CTDSPL2: variants seen among roughly 807,000 people sequenced by gnomAD.
CTDSPL2 encodes the protein CTD small phosphatase like 2, also known as CTD small phosphatase-like protein 2.
Under a neutral mutation model 60.0 loss-of-function variants are expected in CTDSPL2, and 5 were observed. The ratio of observed to expected loss-of-function variants is 0.08; its 90% CI spans 0.04 to 0.18. CTDSPL2 has a LOEUF of 0.18. Ranked by LOEUF, CTDSPL2 falls within the 10% of genes least tolerant of loss-of-function variation. CTDSPL2 has a pLI of 1.00. For missense variants in CTDSPL2, 370 were observed against 548.8 expected, an observed-to-expected ratio of 0.67 and a Z score of 3.26; for synonymous variants, 186 against 189.3, an observed-to-expected ratio of 0.98 and a Z score of 0.14.
chr15:44,482,856 C>T (rs1433491292), intron 2 of CTDSPL2, among the ~76,000 whole-genome samples: 4 of 152,080 alleles, frequency 2.6e-5, no homozygotes, highest in African/African-American at 7.2e-5. Flanking sequence ...TTATATGTAT[C>T]AATTATATAT....
chr15:44,511,867 C>CAAAAAAAAA (rs68063380), intron 8 of CTDSPL2, among the ~76,000 whole-genome samples: 19 of 30,622 alleles, frequency 6.2e-4, no homozygotes, highest in African/African-American at 7.3e-4. Flanking sequence ...GACGGTCTCG[C>CAAAAAAAAA]AAAAAAAAAA....
At chr15:44,444,838 T>TG (rs2080173207) in intron 1 of CTDSPL2, among the ~76,000 whole-genome samples, 3 of 105,894 alleles carry the variant, frequency 2.8e-5, no homozygotes, top group South Asian at 6.8e-4. Flanking sequence ...GGAATGTAGT[T>TG]TTTTTTTTTT....
At position 44,439,823 on chromosome 15, in the gene CTDSPL2, A is replaced by G. The variant is rs143667548; in HGVS notation, c.-25+12051A>G. ...AAAATCAGGTTGTTGCTGATGTTATATAAGCAATTCCTAACCTGTACTGGG... is the reference window on the plus strand; with the variant it reads ...AAAATCAGGTTGTTGCTGATGTTATGTAAGCAATTCCTAACCTGTACTGGG... On this transcript the variant is annotated intron_variant, in intron 1 of 12. Transcript: ENST00000260327. 9.2e-5 allele frequency among the ~76,000 whole-genome samples: 14 copies of G among 152,360 alleles called. 1 individual carries two copies. The highest frequency in any genetic ancestry group is 3.4e-4 in the African/African-American group (14 of 41,596).
intron 5 of CTDSPL2, among the ~76,000 whole-genome samples, chr15:44,495,410 G>A (rs867511586): frequency 7.9e-5 from 12 of 152,084 alleles, no homozygotes; most frequent in African/African-American, 1.9e-4. Context: ...GTGAAACCCC[G>A]TCTCTACTAA....
In CTDSPL2 at chr15:44,486,623, G is replaced by A; in HGVS notation, c.398G>A (p.Gly133Asp). Reference protein sequence around the residue: ...NGKLEDNPSSGSPPRTTLLGT... With the variant: ...NGKLEDNPSSDSPPRTTLLGT... ...AAATTAGAAGATAATCCTTCCTCTG[G>A]CAGTCCTCCAAGGACTACTTTGTTG... Residue 133 changes from glycine to aspartate, a missense_variant, in exon 4 of 13, where the codon GGC becomes GAC. Gly to Asp is a moderately conservative substitution (Grantham distance 94). Around this residue, in one of 6 missense-constraint regions of CTDSPL2, gnomAD observed 287 missense variants for 296.1 expected, o/e 0.97. Transcript: ENST00000260327. 2 of 1,593,370 alleles carry A rather than the reference G, an allele frequency of 1.3e-6. No individual in the cohort carries two copies. The highest frequency in any genetic ancestry group is 2.3e-5 in the East Asian group (1 of 44,404).
intron 3 of CTDSPL2, among the ~76,000 whole-genome samples, chr15:44,485,654 C>T (rs1327043405): frequency 6.6e-6 from 1 of 152,192 alleles, no homozygotes; most frequent in Non-Finnish European, 1.5e-5. Context: ...TAATAGGCTG[C>T]GGACTGGTAC....
At chr15:44,455,699 T>C (rs574527948) in intron 1 of CTDSPL2, among the ~76,000 whole-genome samples, 4,584 of 152,274 alleles carry the variant, frequency 0.03, 245 homozygotes, top group African/African-American at 0.1. Context: ...TTGTCTTTGG[T>C]TCTGTTTATA....
chr15:44,484,510 G>A (rs1352112012), intron 3 of CTDSPL2, 148 bp downstream of exon 3: 19 of 738,168 alleles, frequency 2.6e-5, no homozygotes, highest in South Asian at 2.4e-4. Flanking sequence ...CGAGGTCGGC[G>A]GATCATTTGA....
rs996605046 is a variant in CTDSPL2 at position 44,427,792 on chromosome 15, C to T, written c.-25+20C>T. The T allele has an allele frequency of 2.3e-5, 9 of 398,594 alleles. No homozygotes were observed. The highest frequency in any genetic ancestry group is 4.0e-5 in the Non-Finnish European group (9 of 226,068). 24.7% of individuals were successfully genotyped at this position (398,594 alleles called of 1,614,324 possible). ...AGTTAGGTAATCCCCTTCGTCCAGA[C>T]GCCGCCGCTGCTTCCAATCTCAGTC... On this transcript the variant is annotated intron_variant, in intron 1 of 12. Coordinates refer to ENST00000260327, the MANE Select transcript of CTDSPL2 (RefSeq NM_016396.3).
At chr15:44,462,634 C>T (rs139769328) in intron 2 of CTDSPL2, among the ~76,000 whole-genome samples, 1 of 151,158 alleles carries the variant, frequency 6.6e-6, no homozygotes, top group Non-Finnish European at 1.5e-5. Context: ...TCATTCCTAA[C>T]AGGCCATGGA....
chr15:44,451,402 G>A (rs1157840504), intron 1 of CTDSPL2, among the ~76,000 whole-genome samples: 2 of 152,076 alleles, frequency 1.3e-5, no homozygotes, highest in Non-Finnish European at 2.9e-5. Flanking sequence ...GAGCCACCAC[G>A]CTCAGCCTAA....
chr15:44,500,243 T>C (rs2081364122), intron 8 of CTDSPL2, among the ~76,000 whole-genome samples: 1 of 152,242 alleles, frequency 6.6e-6, no homozygotes. Flanking sequence ...AATTACACTT[T>C]AGTACATCTC....
intron 2 of CTDSPL2, among the ~76,000 whole-genome samples, chr15:44,478,427 G>A (rs2080962131): frequency 8.5e-6 from 1 of 117,112 alleles, no homozygotes; most frequent in East Asian, 2.7e-4. Context: ...ACTTCAGCCT[G>A]GGCAAGAAGA....
At chr15:44,448,868 A>C (rs968105784) in intron 1 of CTDSPL2, 1 of 407,562 alleles carries the variant, frequency 2.5e-6, no homozygotes, top group Non-Finnish European at 4.6e-6. Flanking sequence ...GGTCTATCAC[A>C]CAGCAGTTGG....
In CTDSPL2 at chr15:44,526,066, A is replaced by C. The variant is rs536900022; in HGVS notation, c.*1892A>C. The stretch of plus-strand genomic sequence containing the variant: ...ATTTTGCTTGCAGGAAAAAAATACT[A>C]CAGATTCATTTTAATGAGAATCTTT... On this transcript the variant is annotated 3_prime_UTR_variant, in exon 13 of 13. Coordinates refer to ENST00000260327, the MANE Select transcript of CTDSPL2 (RefSeq NM_016396.3). 2 of 152,276 alleles carry C rather than the reference A, an allele frequency of 1.3e-5. No individual in the cohort carries two copies. The highest frequency in any genetic ancestry group is 2.4e-5 in the African/African-American group (1 of 41,446). 9.4% of individuals were successfully genotyped at this position (152,276 alleles called of 1,614,324 possible). A position where few individuals can be genotyped will look rare whatever the true frequency, so the allele number is the denominator to read the frequency against.
At chr15:44,454,046 T>A (rs2080385478) in intron 1 of CTDSPL2, among the ~76,000 whole-genome samples, 1 of 152,196 alleles carries the variant, frequency 6.6e-6, no homozygotes, top group African/African-American at 2.4e-5. Context: ...CCAGCAACAG[T>A]GTAAAAGTGT....
chr15:44,508,396 G>A (rs1432110300), intron 8 of CTDSPL2, among the ~76,000 whole-genome samples: 1 of 152,006 alleles, frequency 6.6e-6, no homozygotes, highest in Non-Finnish European at 1.5e-5. Flanking sequence ...ACACCTGGCT[G>A]CATCTCATTC....
intron 2 of CTDSPL2, among the ~76,000 whole-genome samples, chr15:44,463,635 G>A (rs2080622342): frequency 6.6e-6 from 1 of 152,166 alleles, no homozygotes; most frequent in South Asian, 2.1e-4. Flanking sequence ...TCCTGTGTTA[G>A]GAGTAAATAA....
At chr15:44,502,198 G>C (rs1022713984) in intron 8 of CTDSPL2, 3 of 197,374 alleles carry the variant, frequency 1.5e-5, no homozygotes, top group Non-Finnish European at 3.2e-5. Flanking sequence ...TAAATGAACA[G>C]TTCCATAGCG....
Sources: gnomAD v4.1 joint callset for allele counts (sites outside exome capture counted in the v4.1 genomes callset) on GRCh38, gnomAD v4.1.1 for gene constraint, gnomAD v4.1.1 regional missense constraint, MANE v1.5 for transcripts, NCBI Gene and HGNC (gene_info 2026-07-23, HGNC 2026-07-21) for gene names.